Variants in GSE1 observed in about 807,000 individuals in gnomAD.
GSE1 encodes Gse1 coiled-coil protein, also known as genetic suppressor element 1.
In GSE1, 32 loss-of-function variants were observed where a neutral mutation model predicts 112.6. That is an observed-to-expected ratio of 0.28 (90% confidence interval 0.21 to 0.38). The LOEUF (loss-of-function observed/expected upper bound fraction) is 0.38, where lower values mean the gene tolerates loss of function less well. GSE1 is among the 10% of genes least tolerant of loss of function. GSE1 has a pLI of 1.00. For missense variants in GSE1, 2,348 were observed against 1,699.2 expected (o/e 1.38, Z -6.71); for synonymous variants, 1,115 against 735.6 (o/e 1.52, Z -8.35).
At chr16:85,203,496 C>T (rs761181199) in intron 1 of GSE1, among the ~76,000 whole-genome samples, 10 of 152,202 alleles carry the variant, frequency 6.6e-5, no homozygotes, top group Non-Finnish European at 1.3e-4. Context: ...ACCCTGCTCG[C>T]TCTTTCGTGG....
rs2053563153 is a variant in GSE1, at chr16:85,674,327, A to AACTC, written c.*1790_*1793dup. ...GCCAAGAATCTTCCAGTTATTAGCAAACTCAGACGAATGTACCGCCAGTAT... is the reference window on the plus strand; with the variant it reads ...GCCAAGAATCTTCCAGTTATTAGCAAACTCACTCAGACGAATGTACCGCCAGTAT... On this transcript the variant is annotated 3_prime_UTR_variant, in exon 16 of 16. Transcript: ENST00000253458. The AACTC allele has an allele frequency of 6.6e-6, 1 of 152,246 alleles. No homozygotes were observed. Among genetic ancestry groups the AACTC allele is most frequent in the Non-Finnish European group, 1.5e-5 (1 of 68,048 alleles). The allele number at this position is 152,246 out of a possible 1,614,324, so 9.4% of individuals were successfully genotyped here.
chr16:85,185,785 G>A (rs1395615555), intron 1 of GSE1, among the ~76,000 whole-genome samples: 4 of 152,370 alleles, frequency 2.6e-5, no homozygotes, highest in East Asian at 1.9e-4. Flanking sequence ...CAGGGGCTCC[G>A]TGCTGGCAGA....
At chr16:85,555,681 C>CT (rs1218398214), upstream of GSE1, 2 of 935,584 alleles carry the variant, frequency 2.1e-6, no homozygotes, top group African/African-American at 3.6e-5. Flanking sequence ...CGCCGCCCCC[C>CT]CCTTCCTTTT....
At chr16:85,585,220 G>C (rs2046635523) in intron 1 of GSE1, among the ~76,000 whole-genome samples, 1 of 152,216 alleles carries the variant, frequency 6.6e-6, no homozygotes, top group Non-Finnish European at 1.5e-5. Flanking sequence ...CTGCAGCCCT[G>C]CCTGCCCTGC....
At chr16:85,258,144 GC>G (rs1907278887) in intron 1 of GSE1, among the ~76,000 whole-genome samples, 3 of 152,196 alleles carry the variant, frequency 2.0e-5, no homozygotes. Flanking sequence ...CACCTAGAAG[GC>G]CAGCAGGCAG....
intron 1 of GSE1, among the ~76,000 whole-genome samples, chr16:85,195,015 C>T (rs1176898630): frequency 6.6e-6 from 1 of 152,028 alleles, no homozygotes; most frequent in African/African-American, 2.4e-5. Flanking sequence ...AGGAATCACT[C>T]AGGAGATTTG....
chr16:85,234,842 G>C (rs915156304), intron 1 of GSE1, among the ~76,000 whole-genome samples: 5 of 152,166 alleles, frequency 3.3e-5, no homozygotes, highest in Admixed American at 6.5e-5. Context: ...CAGCGAATAC[G>C]GCCCAGCTGG....
At chr16:85,197,285 G>A (rs1308227032) in intron 1 of GSE1, among the ~76,000 whole-genome samples, 1 of 152,156 alleles carries the variant, frequency 6.6e-6, no homozygotes, top group Non-Finnish European at 1.5e-5. Flanking sequence ...GGAGAGGGGC[G>A]GGAAGGGAGT....
In GSE1 at chr16:85,668,140, G is replaced by A. The variant is rs771888343; in HGVS notation, c.3131G>A (p.Gly1044Glu). ...GATGCAAGCCCTGTCCCCTCCACAG[G>A]GAGCGTGGCTGTGCTGTCTGCAGAG... ...STQKALQKHKGSVAVLSAEQN... is the reference protein window; with the variant it reads ...STQKALQKHKESVAVLSAEQN... The change falls in exon 14 of 16, where the codon GGG becomes GAG. Residue 1044 changes from glycine (G) to glutamate (E), a missense_variant and splice_region_variant. By Grantham distance (98) the Gly-to-Glu change is moderately conservative. Transcript: ENST00000253458. 2 of 1,566,048 alleles carry A rather than the reference G, an allele frequency of 1.3e-6. No homozygotes were observed. The highest frequency in any genetic ancestry group is 1.7e-6 in the Non-Finnish European group (2 of 1,152,766).
At chr16:85,193,896 A>G (rs889599611) in intron 1 of GSE1, among the ~76,000 whole-genome samples, 3 of 152,226 alleles carry the variant, frequency 2.0e-5, no homozygotes, top group East Asian at 1.9e-4. Flanking sequence ...TGCCACAGTC[A>G]GGGCACTGAC....
At chr16:85,266,543 G>T (rs1908265885) in intron 1 of GSE1, among the ~76,000 whole-genome samples, 1 of 152,156 alleles carries the variant, frequency 6.6e-6, no homozygotes, top group Non-Finnish European at 1.5e-5. Context: ...GCAAGGCTGA[G>T]GCTGATGGGT....
At chr16:85,195,676 C>T (rs531340199) in intron 1 of GSE1, among the ~76,000 whole-genome samples, 7 of 152,264 alleles carry the variant, frequency 4.6e-5, no homozygotes, top group Admixed American at 2.0e-4. Flanking sequence ...ACCACTGCAG[C>T]GTCTTGTGGT....
At chr16:85,615,340 G>A (rs745799962) in intron 1 of GSE1, among the ~76,000 whole-genome samples, 2 of 152,258 alleles carry the variant, frequency 1.3e-5, no homozygotes, top group Admixed American at 6.5e-5. Context: ...CGAGAGCAGC[G>A]ACCTCGGTGC....
chr16:85,482,863 A>G (rs2050722590), intron 2 of GSE1, among the ~76,000 whole-genome samples: 1 of 152,130 alleles, frequency 6.6e-6, no homozygotes, highest in Non-Finnish European at 1.5e-5. Context: ...CTGTAATCTC[A>G]GCTCCTTGGG....
rs527940310 is a variant in GSE1 at position 85,656,447 on chromosome 16, G to A, written c.1094G>A (p.Arg365His). ...CGGGAGAAGGAACGTGAGCGCGAAC[G>A]CGAGAAGGAGCGCGAGCAAGAGAAG... The part of the protein sequence containing the change: ...REREKERERE[R>H]EKEREQEKER... Residue 365 changes from arginine (R) to histidine (H), a missense_variant, in exon 7 of 16, where the codon CGC (arginine) becomes CAC (histidine). By Grantham distance (29) the Arg-to-His change is conservative. Transcript: ENST00000253458. 7.5e-5 allele frequency: 116 copies of A among 1,549,190 alleles called. 1 individual carries two copies. In the East Asian group the frequency reaches 2.1e-3, roughly 29 times the overall value.
chr16:85,597,373 CAAAAAAAAAAAAAAAAA>C (rs1165062872), intron 1 of GSE1, among the ~76,000 whole-genome samples: 2 of 31,846 alleles, frequency 6.3e-5, no homozygotes, highest in African/African-American at 2.1e-4. Flanking sequence ...GACTCTGTCT[CAAAAAAAAAAAAAAAAA>C]AAAAAAAAGA....
At chr16:85,281,209 C>T (rs1277274784) in intron 1 of GSE1, among the ~76,000 whole-genome samples, 6 of 152,156 alleles carry the variant, frequency 3.9e-5, no homozygotes, top group Non-Finnish European at 5.9e-5. Context: ...CTGGGGAGGA[C>T]ATCCGAGGCC....
chr16:85,411,145 C>T (rs76514743), intron 2 of GSE1, among the ~76,000 whole-genome samples: 7 of 103,902 alleles, frequency 6.7e-5, no homozygotes, highest in African/African-American at 9.8e-5. Context: ...ACACTCAGGG[C>T]CCCCCTGGAT....
intron 2 of GSE1, among the ~76,000 whole-genome samples, chr16:85,514,918 CGT>C (rs200638757): frequency 0.012 from 1,885 of 152,142 alleles, 40 homozygotes; most frequent in African/African-American, 0.043. Context: ...TTTGCCCGTA[CGT>C]GTGTGTGGGC....
Sources: gnomAD v4.1 joint callset for allele counts (sites outside exome capture counted in the v4.1 genomes callset) on GRCh38, gnomAD v4.1.1 for gene constraint, MANE v1.5 for transcripts, NCBI Gene and HGNC (gene_info 2026-07-23, HGNC 2026-07-21) for gene names.